Variants in ESRRG observed in about 807,000 individuals in gnomAD.
ESRRG encodes the protein estrogen-related receptor gamma.
Under a neutral mutation model 44.0 loss-of-function variants are expected in ESRRG, and 13 were observed. That is an observed-to-expected ratio of 0.30 (90% CI 0.19 to 0.47). The LOEUF (loss-of-function observed/expected upper bound fraction) is 0.47. ESRRG is among the 20% of genes least tolerant of loss of function. The probability of loss-of-function intolerance (pLI) is 1.00; values close to 1 mark genes in which losing one functional copy is unlikely to be tolerated. For synonymous variants in ESRRG, 215 were observed against 214.6 expected, an observed-to-expected ratio of 1.00 and a Z score of -0.02; for missense variants, 395 against 580.6, an observed-to-expected ratio of 0.68 and a Z score of 3.29.
chr1:216,831,794 T>C (rs2095491678), intron 2 of ESRRG, among the ~76,000 whole-genome samples: 1 of 147,382 alleles, frequency 6.8e-6, no homozygotes, highest in African/African-American at 2.4e-5. Flanking sequence ...TTTTCAAATG[T>C]GGGGCCTGGT....
chr1:216,896,097 T>C (rs971241826), intron 2 of ESRRG, among the ~76,000 whole-genome samples: 1 of 152,158 alleles, frequency 6.6e-6, no homozygotes, highest in East Asian at 1.9e-4. Flanking sequence ...AAATGACATA[T>C]ACACAAATTC....
At chr1:216,537,184 C>A (rs905206063) in intron 5 of ESRRG, among the ~76,000 whole-genome samples, 1 of 151,992 alleles carries the variant, frequency 6.6e-6, no homozygotes, top group Non-Finnish European at 1.5e-5. Flanking sequence ...ACAGAGCCCT[C>A]ATTAATGAAA....
At chr1:217,065,686 T>C (rs917796747) in intron 1 of ESRRG, among the ~76,000 whole-genome samples, 1 of 152,192 alleles carries the variant, frequency 6.6e-6, no homozygotes, top group African/African-American at 2.4e-5. Context: ...CAGTCCCATA[T>C]GGTTTTTGGA....
At chr1:216,845,538 A>G (rs2148919484) in intron 2 of ESRRG, among the ~76,000 whole-genome samples, 1 of 152,276 alleles carries the variant, frequency 6.6e-6, no homozygotes, top group African/African-American at 2.4e-5. Context: ...ATTGGAAAAC[A>G]GGTATTGCCT....
chr1:216,682,530 TCAGAATCA>T (rs2077199530), intron 1 of ESRRG, among the ~76,000 whole-genome samples: 1 of 151,848 alleles, frequency 6.6e-6, no homozygotes, highest in Non-Finnish European at 1.5e-5. Context: ...GTGTGATTCA[TCAGAATCA>T]CAGAATTTCA....
rs374884450 is a variant in ESRRG at position 217,060,817 on chromosome 1, TA to T, written c.-106+28689del. Among the ~76,000 whole-genome samples the T allele has an allele frequency of 9.1e-3, 112 of 12,352 alleles. 1 individual carries two copies. The East Asian group carries it at 0.1, about 11-fold the overall frequency. The allele number at this position is 12,352 out of a possible 152,430, so 8.1% of individuals were successfully genotyped here. ...ATAGATAGATAGATAGATAGATAGATAGATAGATAGATAGAAAAAAGGGAAT... is the reference window on the plus strand; with the variant it reads ...ATAGATAGATAGATAGATAGATAGATGATAGATAGATAGAAAAAAGGGAAT... On this transcript the variant is annotated intron_variant, in intron 1 of 7. Transcript: ENST00000359162.
At chr1:216,996,319 G>C (rs746715162) in intron 1 of ESRRG, among the ~76,000 whole-genome samples, 1 of 152,026 alleles carries the variant, frequency 6.6e-6, no homozygotes, top group Non-Finnish European at 1.5e-5. Flanking sequence ...AGGACTGGAA[G>C]TAGAAATGGT....
rs61318304 is a variant in ESRRG, at chr1:216,743,218, T to C, written c.-13-65727A>G. On this transcript the variant is annotated intron_variant, in intron 2 of 7. Transcript: ENST00000359162. Reference sequence around the variant, plus strand: ...ACAATAGCATACAATGGAAATGTATTTATTTGCTAAGCCTGAGAAAAGCCA... The same window carrying C: ...ACAATAGCATACAATGGAAATGTATCTATTTGCTAAGCCTGAGAAAAGCCA... Among the ~76,000 whole-genome samples, 590 of 152,160 alleles carry C rather than the reference T, an allele frequency of 3.9e-3. 5 individuals are homozygous for C. The highest frequency in any genetic ancestry group is 0.013 in the African/African-American group (529 of 41,510).
chr1:216,954,967 A>C (rs2067677365), intron 1 of ESRRG, among the ~76,000 whole-genome samples: 1 of 152,178 alleles, frequency 6.6e-6, no homozygotes, highest in African/African-American at 2.4e-5. Flanking sequence ...GTATTTCGAT[A>C]CATGTACATA....
intron 2 of ESRRG, among the ~76,000 whole-genome samples, chr1:216,920,166 C>T (rs2061649213): frequency 6.6e-6 from 1 of 152,144 alleles, no homozygotes; most frequent in African/African-American, 2.4e-5. Context: ...GCTGTGCTCG[C>T]ACTACAAAAA....
intron 1 of ESRRG, among the ~76,000 whole-genome samples, chr1:217,108,204 C>T (rs529612118): frequency 1.3e-5 from 2 of 152,258 alleles, no homozygotes; most frequent in South Asian, 4.1e-4. Context: ...CTGTCTCAAA[C>T]TCCACCATTA....
chr1:217,073,542 G>A (rs2090880155), intron 1 of ESRRG, among the ~76,000 whole-genome samples: 1 of 152,124 alleles, frequency 6.6e-6, no homozygotes, highest in African/African-American at 2.4e-5. Context: ...TTCAATAGCA[G>A]GAGAAAGAAA....
chr1:216,917,518 A>G (rs1292753817), intron 2 of ESRRG, among the ~76,000 whole-genome samples: 3 of 152,220 alleles, frequency 2.0e-5, no homozygotes, highest in African/African-American at 7.2e-5. Flanking sequence ...TGGTTAGCAC[A>G]GTGACTGACA....
intron 1 of ESRRG, among the ~76,000 whole-genome samples, chr1:217,078,759 T>C (rs537097269): frequency 1.3e-5 from 2 of 152,318 alleles, no homozygotes; most frequent in African/African-American, 2.4e-5. Flanking sequence ...TATAGAAACC[T>C]TTGTATGTAA....
chr1:216,665,582 A>G, intron 2 of ESRRG, among the ~76,000 whole-genome samples: 1 of 152,250 alleles, frequency 6.6e-6, no homozygotes, highest in East Asian at 1.9e-4. Context: ...CAGAGTTTAC[A>G]TCTGGCATGA....
intron 3 of ESRRG, among the ~76,000 whole-genome samples, chr1:216,587,882 T>C (rs2056947373): frequency 6.6e-6 from 1 of 152,320 alleles, no homozygotes; most frequent in Non-Finnish European, 1.5e-5. Flanking sequence ...CTGAAGTGTG[T>C]CAATTTTCTA....
At chr1:217,046,915 G>A (rs1234784380) in intron 1 of ESRRG, among the ~76,000 whole-genome samples, 2 of 152,056 alleles carry the variant, frequency 1.3e-5, no homozygotes, top group Non-Finnish European at 1.5e-5. Context: ...TGGAAGATAT[G>A]CAACATCATT....
At chr1:216,778,078 A>G (rs1372873243) in intron 2 of ESRRG, among the ~76,000 whole-genome samples, 1 of 152,064 alleles carries the variant, frequency 6.6e-6, no homozygotes, top group Non-Finnish European at 1.5e-5. Context: ...AAATTATAAA[A>G]CAGACCAAAC....
chr1:216,895,467 G>A (rs2149438867), intron 2 of ESRRG, among the ~76,000 whole-genome samples: 1 of 152,146 alleles, frequency 6.6e-6, no homozygotes, highest in Admixed American at 6.5e-5. Flanking sequence ...GGAAAAACAG[G>A]GTAGTCAGTT....
Sources: allele counts gnomAD v4.1 joint callset (sites outside exome capture counted in the v4.1 genomes callset), GRCh38; gene constraint gnomAD v4.1.1; transcripts MANE v1.5; gene names NCBI Gene and HGNC (gene_info 2026-07-23, HGNC 2026-07-21).